PDE1C: variants seen among roughly 807,000 people sequenced by gnomAD.
PDE1C encodes the protein dual specificity calcium/calmodulin-dependent 3',5'-cyclic nucleotide phosphodiesterase 1C.
A neutral mutation model predicts 93.1 loss-of-function variants in PDE1C; 62 were observed. The observed-to-expected ratio is 0.67, with a 90% confidence interval of 0.54 to 0.82. PDE1C has a LOEUF of 0.82. Among genes scored for constraint, PDE1C ranks in the 40% least tolerant of loss-of-function variants. The pLI is 0.00. For missense variants in PDE1C, 742 were observed against 884.6 expected, an observed-to-expected ratio of 0.84 and a Z score of 2.04; for synonymous variants, 325 against 310.1, an observed-to-expected ratio of 1.05 and a Z score of -0.50.
At chr7:31,951,083 A>G (rs1335115138) in intron 2 of PDE1C, among the ~76,000 whole-genome samples, 11 of 152,114 alleles carry the variant, frequency 7.2e-5, no homozygotes, top group Admixed American at 7.2e-4. Flanking sequence ...TTGCGTGTAC[A>G]TATCCATTCC....
rs988063900 is a variant in PDE1C, at chr7:32,214,558, A to G, written c.86-5019T>C. ...GTTGAGAAGCACTAATAAATGGTGC[A>G]ACTCCGTACATCTTTACCAAAGGCA... On this transcript the variant is annotated intron_variant, in intron 1 of 18. Transcript: ENST00000396193. Among the ~76,000 whole-genome samples the G allele has an allele frequency of 4.6e-5, 7 of 152,346 alleles. No homozygotes were observed. The East Asian group carries it at 1.3e-3, about 29-fold the overall frequency.
chr7:32,115,934 T>C (rs1002450017), intron 3 of PDE1C, among the ~76,000 whole-genome samples: 3 of 152,106 alleles, frequency 2.0e-5, no homozygotes, highest in African/African-American at 7.2e-5. Flanking sequence ...TCACACAAAG[T>C]TGTGCATGAC....
chr7:31,963,130 A>G (rs750123148), intron 2 of PDE1C, among the ~76,000 whole-genome samples: 1 of 152,222 alleles, frequency 6.6e-6, no homozygotes, highest in Non-Finnish European at 1.5e-5. Flanking sequence ...CAACATAAAC[A>G]TCATTAATAA....
rs547175676 is a variant in PDE1C at position 31,992,484 on chromosome 7, C to T, written c.128+59070G>A. 5.9e-5 allele frequency among the ~76,000 whole-genome samples: 9 copies of T among 152,322 alleles called. No individual in the cohort carries two copies. In the East Asian group the frequency reaches 9.6e-4, roughly 16 times the overall value. On this transcript the variant is annotated intron_variant, in intron 2 of 17. Coordinates refer to ENST00000396191, the MANE Select transcript of PDE1C (RefSeq NM_001191057.4). ...AATGAGGAAAGGCTTTGTTGGAGGG[C>T]AGGGATGTGATGCTGAGACCTCAGT...
intron 2 of PDE1C, 128 bp downstream of exon 2, chr7:32,051,426 A>T: frequency 1.2e-6 from 1 of 867,130 alleles, no homozygotes; most frequent in Non-Finnish European, 1.9e-6. Context: ...ATCGGAGATA[A>T]AGCACGCAAC....
intron 7 of PDE1C, among the ~76,000 whole-genome samples, chr7:31,857,290 C>CT (rs1448871308): frequency 1.3e-5 from 2 of 152,046 alleles, no homozygotes; most frequent in Non-Finnish European, 2.9e-5. Context: ...CCCAACTGCC[C>CT]TTTTTTTCCT....
intron 2 of PDE1C, among the ~76,000 whole-genome samples, chr7:32,043,607 T>A (rs1792133291): frequency 1.3e-5 from 2 of 152,118 alleles, no homozygotes; most frequent in African/African-American, 4.8e-5. Context: ...AGCAAATACA[T>A]CTGATACTGT....
intron 2 of PDE1C, among the ~76,000 whole-genome samples, chr7:31,981,156 A>C (rs1812317468): frequency 6.6e-6 from 1 of 152,202 alleles, no homozygotes; most frequent in Admixed American, 6.5e-5. Flanking sequence ...TATTCTTGTA[A>C]CTACACACTA....
chr7:31,759,967 A>G (rs1326101562), intron 17 of PDE1C, among the ~76,000 whole-genome samples: 3 of 151,980 alleles, frequency 2.0e-5, no homozygotes, highest in Non-Finnish European at 4.4e-5. Context: ...GAACAGTTGT[A>G]CAGAATTATT....
chr7:31,774,201 C>T (rs6965876), intron 17 of PDE1C, among the ~76,000 whole-genome samples: 71,188 of 151,904 alleles, frequency 0.47, 17,064 homozygotes, highest in African/African-American at 0.5. Flanking sequence ...CATCCCAATT[C>T]AAAATGGGTT....
At position 32,271,947 on chromosome 7, in the gene PDE1C, C is replaced by T. The variant is rs773870230; in HGVS notation, c.85+26704G>A. On this transcript the variant is annotated intron_variant, in intron 1 of 18. Coordinates refer to the PDE1C transcript ENST00000396193. Reference sequence around the variant, plus strand: ...TAGGAACTCCTGGGGTGTTGCAACCCGTTTTTTCTGCCATTGGGTTAGTTA... The same window carrying T: ...TAGGAACTCCTGGGGTGTTGCAACCTGTTTTTTCTGCCATTGGGTTAGTTA... 3.5e-4 allele frequency among the ~76,000 whole-genome samples: 54 copies of T among 152,128 alleles called. 1 individual carries two copies. Among genetic ancestry groups the T allele is most frequent in the Non-Finnish European group, 1.6e-4 (11 of 68,036 alleles).
At chr7:32,045,976 T>C (rs1792500997) in intron 2 of PDE1C, among the ~76,000 whole-genome samples, 1 of 152,202 alleles carries the variant, frequency 6.6e-6, no homozygotes, top group Non-Finnish European at 1.5e-5. Flanking sequence ...ATTTGCTGGA[T>C]TTAATCAATT....
the PDE1C span, among the ~76,000 whole-genome samples, chr7:31,699,867 G>C: frequency 3.3e-5 from 5 of 151,542 alleles, no homozygotes; most frequent in African/African-American, 1.2e-4. Context: ...ATTGTTTTGG[G>C]GTGCCACAGA....
At position 32,168,197 on chromosome 7, in the gene PDE1C, T is replaced by A. The variant is rs544535455; in HGVS notation, c.308+1588A>T. 6.6e-5 allele frequency among the ~76,000 whole-genome samples: 10 copies of A among 152,326 alleles called. 1 individual carries two copies. In the South Asian group the frequency reaches 2.1e-3, roughly 32 times the overall value. ...TGTCTTTTTCCTACAGCACCAAGTG[T>A]TACAAGGAAACAGAAATAAGTCCTG... On this transcript the variant is annotated intron_variant, in intron 3 of 18. Transcript: ENST00000396193.
intron 2 of PDE1C, among the ~76,000 whole-genome samples, chr7:31,885,525 C>G (rs1797759404): frequency 6.6e-6 from 1 of 152,206 alleles, no homozygotes; most frequent in South Asian, 2.1e-4. Flanking sequence ...GATACTGAAT[C>G]TCTTCAGTTC....
chr7:32,158,567 C>T (rs1164884147), intron 3 of PDE1C, among the ~76,000 whole-genome samples: 1 of 152,140 alleles, frequency 6.6e-6, no homozygotes, highest in African/African-American at 2.4e-5. Context: ...AGCATATTTT[C>T]ACAAGTTTCT....
intron 1 of PDE1C, among the ~76,000 whole-genome samples, chr7:32,262,147 A>G (rs1172418273): frequency 6.6e-6 from 1 of 151,926 alleles, no homozygotes; most frequent in East Asian, 1.9e-4. Context: ...TTAATTTCTA[A>G]ATTGAACAAT....
At chr7:32,234,234 AAAAAG>A (rs1403477418) in intron 1 of PDE1C, among the ~76,000 whole-genome samples, 6 of 151,990 alleles carry the variant, frequency 3.9e-5, no homozygotes, top group African/African-American at 1.4e-4. Context: ...ACCAAACTAG[AAAAAG>A]AAAAGAAAAT....
intron 1 of PDE1C, among the ~76,000 whole-genome samples, chr7:32,239,368 A>G (rs1346873576): frequency 1.3e-5 from 2 of 152,190 alleles, no homozygotes; most frequent in Non-Finnish European, 2.9e-5. Flanking sequence ...ACTCCAGCCC[A>G]AAAGACAGAA....
Sources: gnomAD v4.1 joint callset for allele counts (sites outside exome capture counted in the v4.1 genomes callset) on GRCh38, gnomAD v4.1.1 for gene constraint, MANE v1.5 for transcripts, NCBI Gene and HGNC (gene_info 2026-07-23, HGNC 2026-07-21) for gene names.